The following NAV2 variants were observed in gnomAD, a reference collection of about 807,000 sequenced individuals.
NAV2 encodes the protein neuron navigator 2, also known as helicase, APC down-regulated 1.
A neutral mutation model predicts 223.2 loss-of-function variants in NAV2; 54 were observed. That is an observed-to-expected ratio of 0.24 (90% CI 0.19 to 0.30). The LOEUF is 0.30. NAV2 is among the 10% of genes least tolerant of loss of function. The probability of loss-of-function intolerance (pLI) is 1.00; values close to 1 mark genes in which losing one functional copy is unlikely to be tolerated. For synonymous variants in NAV2, 1,279 were observed against 1,239.3 expected (o/e 1.03, Z -0.67); for missense variants, 2,806 against 3,147.5 (o/e 0.89, Z 2.60).
intron 1 of NAV2, among the ~76,000 whole-genome samples, chr11:19,481,405 C>A (rs575263503): frequency 6.6e-6 from 1 of 152,190 alleles, no homozygotes; most frequent in African/African-American, 2.4e-5. Context: ...CTGTAAAAGC[C>A]CCTGAGCCTC....
chr11:19,529,147 C>G (rs577107712), intron 1 of NAV2, among the ~76,000 whole-genome samples: 21 of 152,178 alleles, frequency 1.4e-4, no homozygotes, highest in African/African-American at 5.1e-4. Context: ...TAAAAACTCC[C>G]AATATTGTCT....
intron 1 of NAV2, among the ~76,000 whole-genome samples, chr11:19,636,560 G>A (rs1264193466): frequency 3.3e-5 from 5 of 149,662 alleles, no homozygotes; most frequent in Non-Finnish European, 5.9e-5. Context: ...GCGTGATCTC[G>A]GCTCACTGCA....
intron 3 of NAV2, among the ~76,000 whole-genome samples, chr11:19,856,324 G>T (rs1348101684): frequency 6.6e-6 from 1 of 152,138 alleles, no homozygotes; most frequent in Non-Finnish European, 1.5e-5. Flanking sequence ...GCAGAGTGGA[G>T]AATTAGTTAT....
At chr11:19,393,391 T>C (rs1053447358) in intron 1 of NAV2, among the ~76,000 whole-genome samples, 1 of 152,230 alleles carries the variant, frequency 6.6e-6, no homozygotes, top group Non-Finnish European at 1.5e-5. Flanking sequence ...TGTCCTCTAC[T>C]TCAGCTGTTA....
At chr11:19,762,915 G>T (rs1366333937) in intron 1 of NAV2, among the ~76,000 whole-genome samples, 2 of 152,008 alleles carry the variant, frequency 1.3e-5, no homozygotes, top group Non-Finnish European at 2.9e-5. Flanking sequence ...CCCAGCCAGG[G>T]AAGTCTTTTT....
At chr11:19,758,662 G>A (rs1262185765) in intron 1 of NAV2, among the ~76,000 whole-genome samples, 2 of 152,216 alleles carry the variant, frequency 1.3e-5, no homozygotes, top group Admixed American at 1.3e-4. Flanking sequence ...GCAGGGGAGC[G>A]GGGTTCAGGC....
At chr11:19,504,616 TTA>T (rs1477434359) in intron 1 of NAV2, among the ~76,000 whole-genome samples, 1 of 152,138 alleles carries the variant, frequency 6.6e-6, no homozygotes, top group Admixed American at 6.5e-5. Flanking sequence ...GGATGAAAGT[TTA>T]TGAATCTCTG....
At chr11:19,348,965 AT>A (rs377162998), upstream of NAV2, among the ~76,000 whole-genome samples, 13 of 152,322 alleles carry the variant, frequency 8.5e-5, no homozygotes, top group African/African-American at 2.9e-4. Flanking sequence ...GAAAAGAATG[AT>A]TCTGAGGTTT....
intron 10 of NAV2, among the ~76,000 whole-genome samples, chr11:19,965,556 C>G (rs1434471575): frequency 6.6e-6 from 1 of 152,192 alleles, no homozygotes; most frequent in Non-Finnish European, 1.5e-5. Context: ...ACAATTCATC[C>G]TTTCACTAAT....
intron 1 of NAV2, among the ~76,000 whole-genome samples, chr11:19,528,958 AG>A (rs1248260255): frequency 1.3e-5 from 2 of 150,906 alleles, no homozygotes; most frequent in East Asian, 3.9e-4. Context: ...AAGAGTGAGT[AG>A]AAACTTATTT....
intron 1 of NAV2, among the ~76,000 whole-genome samples, chr11:19,365,897 T>C (rs1036154661): frequency 2.0e-5 from 3 of 152,240 alleles, no homozygotes; most frequent in Admixed American, 6.5e-5. Context: ...CAAAGCCTTG[T>C]GCTTTGAAAA....
chr11:19,661,982 C>T (rs1427614694), intron 1 of NAV2, among the ~76,000 whole-genome samples: 2 of 152,166 alleles, frequency 1.3e-5, no homozygotes, highest in Non-Finnish European at 2.9e-5. Flanking sequence ...CAATCAATTG[C>T]TACTGGCTGC....
intron 1 of NAV2, among the ~76,000 whole-genome samples, chr11:19,413,611 A>C (rs1590157830): frequency 6.6e-6 from 1 of 152,100 alleles, no homozygotes; most frequent in Non-Finnish European, 1.5e-5. Context: ...GCAACCCCAA[A>C]ACACATAATC....
At chr11:19,396,967 G>A (rs1849474790) in intron 1 of NAV2, among the ~76,000 whole-genome samples, 1 of 152,130 alleles carries the variant, frequency 6.6e-6, no homozygotes, top group African/African-American at 2.4e-5. Context: ...CTCTTTTTAT[G>A]GGGACCACTG....
intron 7 of NAV2, among the ~76,000 whole-genome samples, chr11:19,938,554 CT>C (rs1234809119): frequency 1.3e-5 from 2 of 152,208 alleles, no homozygotes; most frequent in East Asian, 3.8e-4. Flanking sequence ...AAATGTTGAA[CT>C]AATTTTAAAA....
intron 1 of NAV2, among the ~76,000 whole-genome samples, chr11:19,430,548 G>T (rs917634625): frequency 6.6e-6 from 1 of 152,202 alleles, no homozygotes; most frequent in African/African-American, 2.4e-5. Context: ...TGGCTATCAC[G>T]GCAGCTTCAG....
intron 6 of NAV2, among the ~76,000 whole-genome samples, chr11:19,932,425 TCTC>T (rs2045461713): frequency 6.6e-6 from 1 of 152,100 alleles, no homozygotes; most frequent in African/African-American, 2.4e-5. Context: ...AACCTCTACT[TCTC>T]CTGCCTCAGC....
At chr11:19,864,122 A>G (rs540725757) in intron 3 of NAV2, among the ~76,000 whole-genome samples, 1 of 150,390 alleles carries the variant, frequency 6.6e-6, no homozygotes, top group South Asian at 2.1e-4. Flanking sequence ...CATGATTTAC[A>G]AAAATGGTTG....
chr11:19,978,156 A>G (rs1365612632), intron 10 of NAV2, among the ~76,000 whole-genome samples: 1 of 151,898 alleles, frequency 6.6e-6, no homozygotes, highest in Non-Finnish European at 1.5e-5. Flanking sequence ...GGATGCAGGC[A>G]GCTTTGTTAG....
Sources: allele counts gnomAD v4.1 joint callset (sites outside exome capture counted in the v4.1 genomes callset), GRCh38; gene constraint gnomAD v4.1.1; transcripts MANE v1.5; gene names NCBI Gene and HGNC (gene_info 2026-07-23, HGNC 2026-07-21).